The following SHISA6 variants were observed in gnomAD, a reference collection of about 807,000 sequenced individuals.
The protein encoded by SHISA6 is protein shisa-6.
In SHISA6, 22 loss-of-function variants were observed where a neutral mutation model predicts 47.9. The observed-to-expected ratio is 0.46, with a 90% CI of 0.33 to 0.66. The LOEUF (loss-of-function observed/expected upper bound fraction) is 0.66, where lower values mean the gene tolerates loss of function less well. Among genes scored for constraint, SHISA6 ranks in the 30% least tolerant of loss-of-function variants. The probability of loss-of-function intolerance (pLI) is 0.02; values close to 1 mark genes in which losing one functional copy is unlikely to be tolerated. For missense variants in SHISA6, 680 were observed against 764.6 expected, an observed-to-expected ratio of 0.89 and a Z score of 1.30; for synonymous variants, 388 against 337.8, an observed-to-expected ratio of 1.15 and a Z score of -1.63.
intron 3 of SHISA6, among the ~76,000 whole-genome samples, chr17:11,531,127 A>C (rs2071728334): frequency 1.3e-5 from 2 of 151,620 alleles, no homozygotes; most frequent in Non-Finnish European, 2.9e-5. Flanking sequence ...AGTGAGGGTT[A>C]ATATGGTGGC....
At chr17:11,456,626 T>C (rs1427735946) in intron 3 of SHISA6, among the ~76,000 whole-genome samples, 1 of 152,166 alleles carries the variant, frequency 6.6e-6, no homozygotes, top group East Asian at 1.9e-4. Context: ...TTGAACCTCC[T>C]AAGTGAAGCA....
chr17:11,493,232 C>CT (rs931209282), intron 3 of SHISA6, among the ~76,000 whole-genome samples: 2 of 150,930 alleles, frequency 1.3e-5, no homozygotes, highest in Admixed American at 6.6e-5. Flanking sequence ...TTTTTCTTTT[C>CT]TTTTTTTCTG....
At chr17:11,514,250 A>G (rs2071564301) in intron 3 of SHISA6, among the ~76,000 whole-genome samples, 1 of 152,136 alleles carries the variant, frequency 6.6e-6, no homozygotes, top group African/African-American at 2.4e-5. Flanking sequence ...CTTGCCTAAC[A>G]TGCTGACTTA....
Position 11,558,383 on chromosome 17 carries a change from C to A in SHISA6, c.*79C>A, listed in dbSNP as rs866095347. On this transcript the variant is annotated 3_prime_UTR_variant, in exon 6 of 6. Transcript: ENST00000441885. The stretch of plus-strand genomic sequence containing the variant: ...GAGGGGCCAGGAGCAGAGCTTCTAG[C>A]CTTGCCACTCTCCCTTCCCTTGTCC... 2 of 1,419,234 alleles carry A rather than the reference C, an allele frequency of 1.4e-6. No individual in the cohort carries two copies. Among genetic ancestry groups the A allele is most frequent in the South Asian group, 1.4e-5 (1 of 73,408 alleles). 87.9% of individuals were successfully genotyped at this position (1,419,234 alleles called of 1,614,324 possible). A position where few individuals can be genotyped will look rare whatever the true frequency, so the allele number is the denominator to read the frequency against.
At chr17:11,268,509 G>A (rs1908514872) in intron 2 of SHISA6, among the ~76,000 whole-genome samples, 2 of 152,112 alleles carry the variant, frequency 1.3e-5, no homozygotes, top group African/African-American at 4.8e-5. Context: ...CCCCCTTTCT[G>A]TTTCTGTAGC....
At position 11,530,986 on chromosome 17, in the gene SHISA6, C is replaced by T. The variant is rs117701797; in HGVS notation, c.896-20910C>T. Reference sequence around the variant, plus strand: ...ATGTTTGGTAGGTTACTGCAGTATTCGTAGGGATAGGATTCCCAGTGGACC... The same window carrying T: ...ATGTTTGGTAGGTTACTGCAGTATTTGTAGGGATAGGATTCCCAGTGGACC... On this transcript the variant is annotated intron_variant, in intron 3 of 5. Coordinates refer to ENST00000441885, the MANE Select transcript of SHISA6 (RefSeq NM_207386.4). 1.6e-3 allele frequency among the ~76,000 whole-genome samples: 247 copies of T among 152,214 alleles called. 3 individuals are homozygous for T. The East Asian group carries it at 0.025, about 16-fold the overall frequency.
chr17:11,320,670 AGAGAG>A (rs1910687344), intron 2 of SHISA6, among the ~76,000 whole-genome samples: 1 of 16,318 alleles, frequency 6.1e-5, no homozygotes, highest in African/African-American at 1.4e-4. Context: ...AAAAAAAAAA[AGAGAG>A]AGAGAGAGAG....
At chr17:11,274,835 C>G (rs1390037822) in intron 2 of SHISA6, among the ~76,000 whole-genome samples, 1 of 152,140 alleles carries the variant, frequency 6.6e-6, no homozygotes, top group African/African-American at 2.4e-5. Context: ...GCCACATGCT[C>G]AGAACGCTCA....
At chr17:11,517,806 C>T (rs1193935610) in intron 3 of SHISA6, among the ~76,000 whole-genome samples, 3 of 152,062 alleles carry the variant, frequency 2.0e-5, no homozygotes, top group African/African-American at 7.2e-5. Context: ...CACTTGGCCC[C>T]AAGTTTTTAT....
At chr17:11,507,892 G>A (rs961427916) in intron 3 of SHISA6, among the ~76,000 whole-genome samples, 4 of 152,170 alleles carry the variant, frequency 2.6e-5, no homozygotes, top group African/African-American at 9.7e-5. Context: ...TCCATTTAGT[G>A]TGAGACTGGC....
At chr17:11,480,231 T>G (rs559304947) in intron 3 of SHISA6, among the ~76,000 whole-genome samples, 2 of 152,302 alleles carry the variant, frequency 1.3e-5, no homozygotes, top group East Asian at 3.9e-4. Flanking sequence ...ATCTTTGACA[T>G]TCTATTGTTT....
intron 3 of SHISA6, among the ~76,000 whole-genome samples, chr17:11,410,633 C>CTAGCCAGTCTGT (rs138635871): frequency 0.39 from 59,325 of 152,006 alleles, 11,849 homozygotes; most frequent in Middle Eastern, 0.45. Context: ...ATATTGGACG[C>CTAGCCAGTCTGT]CCCCTTCATC....
intron 2 of SHISA6, among the ~76,000 whole-genome samples, chr17:11,337,073 C>A (rs1188134109): frequency 6.6e-6 from 1 of 152,072 alleles, no homozygotes; most frequent in East Asian, 1.9e-4. Context: ...AAGATGGAGC[C>A]CTACATCTTC....
intron 3 of SHISA6, among the ~76,000 whole-genome samples, chr17:11,414,490 T>A (rs1914222946): frequency 6.6e-6 from 1 of 152,142 alleles, no homozygotes; most frequent in Non-Finnish European, 1.5e-5. Context: ...TCCCTGCCCC[T>A]CCCTGCCATT....
chr17:11,359,366 T>A (rs1912187017), intron 2 of SHISA6, among the ~76,000 whole-genome samples: 1 of 152,194 alleles, frequency 6.6e-6, no homozygotes, highest in Non-Finnish European at 1.5e-5. Flanking sequence ...GCAAACCCAG[T>A]CAAAATACTG....
intron 3 of SHISA6, among the ~76,000 whole-genome samples, chr17:11,421,829 T>A (rs1052227792): frequency 6.6e-6 from 1 of 151,814 alleles, no homozygotes; most frequent in African/African-American, 2.4e-5. Context: ...AAAGCCAGAG[T>A]GTAGAAAAAA....
At chr17:11,419,906 T>C (rs755512098) in intron 3 of SHISA6, among the ~76,000 whole-genome samples, 5 of 152,136 alleles carry the variant, frequency 3.3e-5, no homozygotes, top group African/African-American at 9.7e-5. Flanking sequence ...AAAGGTGAAA[T>C]AGAAGAAGTA....
chr17:11,544,388 G>A (rs1408183136), intron 3 of SHISA6, among the ~76,000 whole-genome samples: 1 of 152,030 alleles, frequency 6.6e-6, no homozygotes, highest in East Asian at 1.9e-4. Flanking sequence ...TTAAAAATGG[G>A]CAGAAGTAAC....
intron 3 of SHISA6, among the ~76,000 whole-genome samples, chr17:11,434,103 AC>A (rs939585394): frequency 3.0e-5 from 4 of 134,810 alleles, no homozygotes; most frequent in African/African-American, 1.1e-4. Context: ...TCGGTCTGTC[AC>A]CCAGGCCAGA....
Sources: allele counts gnomAD v4.1 joint callset (sites outside exome capture counted in the v4.1 genomes callset), GRCh38; gene constraint gnomAD v4.1.1; transcripts MANE v1.5; gene names NCBI Gene and HGNC (gene_info 2026-07-23, HGNC 2026-07-21).